PHF14: variants seen among roughly 807,000 people sequenced by gnomAD.
The protein encoded by PHF14 is PHD finger protein 14.
Under a neutral mutation model 117.9 loss-of-function variants are expected in PHF14, and 55 were observed. The observed-to-expected ratio is 0.47, with a 90% CI of 0.38 to 0.58. The LOEUF (loss-of-function observed/expected upper bound fraction) is 0.58, where lower values mean the gene tolerates loss of function less well. Among genes scored for constraint, PHF14 ranks in the 20% least tolerant of loss-of-function variants. The pLI is 0.00. For synonymous variants in PHF14, 409 were observed against 368.6 expected (o/e 1.11, Z -1.26); for missense variants, 978 against 1,122.2 (o/e 0.87, Z 1.84).
At chr7:11,058,067 T>C (rs1014728057) in intron 14 of PHF14, among the ~76,000 whole-genome samples, 1 of 152,216 alleles carries the variant, frequency 6.6e-6, no homozygotes. Flanking sequence ...TCTTGAAAAG[T>C]AAAATTCTTC....
intron 13 of PHF14, among the ~76,000 whole-genome samples, chr7:11,044,112 T>C (rs915476106): frequency 1.3e-5 from 2 of 151,974 alleles, no homozygotes; most frequent in African/African-American, 4.8e-5. Flanking sequence ...ATGTTCTCAC[T>C]TACAGGTGGA....
chr7:10,993,003 A>G (rs1358324439), intron 4 of PHF14, among the ~76,000 whole-genome samples: 7 of 152,250 alleles, frequency 4.6e-5, no homozygotes, highest in Middle Eastern at 3.4e-3. Context: ...TTTGGCCGGA[A>G]TACCACGGAA....
chr7:11,080,229 GGTGTA>G (rs1786039371), intron 16 of PHF14, among the ~76,000 whole-genome samples: 1 of 151,926 alleles, frequency 6.6e-6, no homozygotes, highest in Non-Finnish European at 1.5e-5. Context: ...GGAGTACCTA[GGTGTA>G]GGCCCTGTCA....
intron 17 of PHF14, among the ~76,000 whole-genome samples, chr7:11,150,843 T>C (rs1489841692): frequency 6.6e-6 from 1 of 152,186 alleles, no homozygotes; most frequent in Non-Finnish European, 1.5e-5. Context: ...GTCTCAAATG[T>C]CTACTGTGGT....
At position 11,061,775 on chromosome 7, in the gene PHF14, T is replaced by G. The variant is rs1785231452; in HGVS notation, c.2482-16T>G. The G allele has an allele frequency of 2.0e-6, 3 of 1,495,198 alleles. No homozygotes were observed. The highest frequency in any genetic ancestry group is 1.4e-5 in the African/African-American group (1 of 69,962). The allele number at this position is 1,495,198 out of a possible 1,614,324, so 92.6% of individuals were successfully genotyped here. Reference sequence around the variant, plus strand: ...GTGGATTTTTGTTTTTTGTTTTTTTTTTTGTTTTTTTCCAGAGAACCAGAG... The same window carrying G: ...GTGGATTTTTGTTTTTTGTTTTTTTGTTTGTTTTTTTCCAGAGAACCAGAG... On this transcript the variant is annotated splice_polypyrimidine_tract_variant and intron_variant, in intron 14 of 17. Transcript: ENST00000634607.
Position 11,157,380 on chromosome 7 carries a change from A to C in PHF14, c.2773-12036A>C, listed in dbSNP as rs549886690. Among the ~76,000 whole-genome samples, 11 of 114,502 alleles carry C rather than the reference A, an allele frequency of 9.6e-5. No individual in the cohort carries two copies. The Admixed American group carries it at 1.0e-3, about 11-fold the overall frequency. 75.1% of individuals were successfully genotyped at this position (114,502 alleles called of 152,430 possible). A position where few individuals can be genotyped will look rare whatever the true frequency, so the allele number is the denominator to read the frequency against. On this transcript the variant is annotated intron_variant, in intron 17 of 17. Transcript: ENST00000634607. ...TTGATCAATACAATAAAGTCTGTCA[A>C]TGGGTTACCAAAAAAAAAAAATAGG...
intron 16 of PHF14, among the ~76,000 whole-genome samples, chr7:11,071,658 C>T (rs1020661614): frequency 2.0e-5 from 3 of 152,098 alleles, no homozygotes; most frequent in African/African-American, 7.2e-5. Flanking sequence ...ATTACTATGC[C>T]TGTTTATAGT....
intron 17 of PHF14, among the ~76,000 whole-genome samples, chr7:11,153,951 G>A (rs1165599302): frequency 3.1e-5 from 2 of 64,324 alleles, no homozygotes; most frequent in African/African-American, 1.4e-4. Context: ...GTGTGTGCGT[G>A]TGTGTGTGTG....
chr7:11,143,850 T>A (rs1428274150), intron 17 of PHF14, among the ~76,000 whole-genome samples: 1 of 151,772 alleles, frequency 6.6e-6, no homozygotes, highest in East Asian at 1.9e-4. Context: ...TTAAAACAGG[T>A]ACCAAAACCA....
chr7:11,137,727 A>AGGT (rs1260001468), intron 17 of PHF14, among the ~76,000 whole-genome samples: 19 of 151,170 alleles, frequency 1.3e-4, no homozygotes, highest in Admixed American at 2.7e-4. Flanking sequence ...GTGGGATTAC[A>AGGT]GGCACCTGCC....
At chr7:11,022,738 C>T (rs1422135817) in intron 5 of PHF14, 130 bp from the exon 6 acceptor site, 15 of 482,112 alleles carry the variant, frequency 3.1e-5, no homozygotes, top group Non-Finnish European at 4.4e-5. Flanking sequence ...CCTGAGATTG[C>T]GAGATTTTAA....
chr7:11,068,514 G>A (rs1439076874), intron 16 of PHF14, among the ~76,000 whole-genome samples: 2 of 152,118 alleles, frequency 1.3e-5, no homozygotes, highest in Non-Finnish European at 2.9e-5. Context: ...AAGTAAAAAT[G>A]GTGGTTTCCA....
chr7:11,048,936 G>A lies in PHF14; in HGVS notation c.2313-2676G>A, dbSNP rs115934334. Among the ~76,000 whole-genome samples the A allele has an allele frequency of 3.9e-3, 598 of 152,190 alleles. 5 individuals are homozygous for A. Among genetic ancestry groups the A allele is most frequent in the African/African-American group, 0.014 (576 of 41,522 alleles). The stretch of plus-strand genomic sequence containing the variant: ...TCAGGGTGTAACATTTCTATTTTCT[G>A]GGAATTAGCCAAATTTCTTTGTCAC... On this transcript the variant is annotated intron_variant, in intron 13 of 17. Coordinates refer to ENST00000634607, the MANE Select transcript of PHF14 (RefSeq NM_001007157.2).
At chr7:11,095,004 A>T (rs1786790685) in intron 16 of PHF14, among the ~76,000 whole-genome samples, 1 of 152,060 alleles carries the variant, frequency 6.6e-6, no homozygotes, top group East Asian at 1.9e-4. Context: ...AGCCAGAGGC[A>T]GTTCAAAGAA....
intron 17 of PHF14, among the ~76,000 whole-genome samples, chr7:11,122,372 CACACACACACACAT>C (rs1380466706): frequency 9.8e-6 from 1 of 102,170 alleles, no homozygotes; most frequent in African/African-American, 4.2e-5. Context: ...CACACACACA[CACACACACACACAT>C]ACATACACAC....
chr7:11,063,660 G>GT (rs1785318704), intron 16 of PHF14: 2 of 968,094 alleles, frequency 2.1e-6, no homozygotes, highest in African/African-American at 3.6e-5. Flanking sequence ...GTTTTTATTA[G>GT]GTTTTTTGTT....
chr7:11,128,395 A>G (rs1021765364), intron 17 of PHF14, among the ~76,000 whole-genome samples: 5 of 151,858 alleles, frequency 3.3e-5, no homozygotes, highest in Non-Finnish European at 5.9e-5. Flanking sequence ...TCCCTACTTC[A>G]TTCTATTTCC....
At chr7:11,005,450 A>C (rs79530451) in intron 4 of PHF14, among the ~76,000 whole-genome samples, 4,449 of 152,274 alleles carry the variant, frequency 0.029, 218 homozygotes, top group African/African-American at 0.1. Flanking sequence ...GTCCTTTAAG[A>C]AGGCCCTTGT....
At chr7:11,048,576 CA>C (rs1784752345) in intron 13 of PHF14, among the ~76,000 whole-genome samples, 1 of 152,016 alleles carries the variant, frequency 6.6e-6, no homozygotes, top group Admixed American at 6.5e-5. Context: ...TGTCTGAAAA[CA>C]AAGAAAAAAT....
Sources: gnomAD v4.1 joint callset for allele counts (sites outside exome capture counted in the v4.1 genomes callset) on GRCh38, gnomAD v4.1.1 for gene constraint, MANE v1.5 for transcripts, NCBI Gene and HGNC (gene_info 2026-07-23, HGNC 2026-07-21) for gene names.